TRDN: variants seen among roughly 807,000 people sequenced by gnomAD.
TRDN encodes the protein triadin.
A neutral mutation model predicts 149.7 loss-of-function variants in TRDN; 161 were observed. That is an observed-to-expected ratio of 1.08 (90% CI 0.95 to 1.23). The LOEUF is 1.23. Ranked by LOEUF, TRDN falls within the 50% of genes most tolerant of loss-of-function variation. The pLI is 0.00. For synonymous variants in TRDN, 294 were observed against 250.5 expected (o/e 1.17, Z -1.64); for missense variants, 896 against 823.5 (o/e 1.09, Z -1.08).
intron 35 of TRDN, among the ~76,000 whole-genome samples, chr6:123,258,049 T>C (rs1776625487): frequency 6.6e-6 from 1 of 152,048 alleles, no homozygotes; most frequent in Non-Finnish European, 1.5e-5. Context: ...GACGATGGGG[T>C]TTTCTAAATA....
At chr6:123,573,245 T>C (rs13437011) in intron 1 of TRDN, among the ~76,000 whole-genome samples, 2,649 of 152,150 alleles carry the variant, frequency 0.017, 93 homozygotes, top group African/African-American at 0.06. Flanking sequence ...ATGAATGAGA[T>C]TGGTAAGACT....
intron 1 of TRDN, among the ~76,000 whole-genome samples, chr6:123,591,980 A>T (rs1373405899): frequency 1.3e-5 from 2 of 152,192 alleles, no homozygotes; most frequent in Non-Finnish European, 2.9e-5. Context: ...TTCCTCTTTG[A>T]TATGAAAGGA....
chr6:123,432,879 T>C (rs963815192), intron 12 of TRDN, among the ~76,000 whole-genome samples: 5 of 152,074 alleles, frequency 3.3e-5, no homozygotes, highest in African/African-American at 4.8e-5. Context: ...CCTCTCTTGC[T>C]TTATTTTCCA....
rs1463323606 is a variant in TRDN at position 123,273,381 on chromosome 6, CAT to C, written c.1598-20_1598-19del. 8.5e-6 allele frequency: 8 copies of C among 942,106 alleles called. No homozygotes were observed. The East Asian group carries it at 4.1e-4, about 48-fold the overall frequency. The allele number at this position is 942,106 out of a possible 1,614,324, so 58.4% of individuals were successfully genotyped here. ...AGATATAGCTAAAATAAATAAATAA[CAT>C]ATTAGATTAAATTACCTGCAAAATG... is the stretch of plus-strand genomic sequence containing the variant. On this transcript the variant is annotated intron_variant, in intron 27 of 40. Coordinates refer to ENST00000334268, the MANE Select transcript of TRDN (RefSeq NM_006073.4).
Position 123,547,260 on chromosome 6 carries a change from T to C in TRDN, c.424+80A>G, listed in dbSNP as rs935746671. 4 of 859,210 alleles carry C rather than the reference T, an allele frequency of 4.7e-6. 1 individual carries two copies. In the South Asian group the frequency reaches 8.6e-5, roughly 19 times the overall value. 53.2% of individuals were successfully genotyped at this position (859,210 alleles called of 1,614,324 possible). On this transcript the variant is annotated intron_variant, in intron 4 of 40. Transcript: ENST00000334268. The stretch of plus-strand genomic sequence containing the variant: ...AACAAAACCTTTATATTAAAATAAG[T>C]AAAATATATTTGAACCATGCTGAAA...
intron 24 of TRDN, among the ~76,000 whole-genome samples, chr6:123,285,244 G>A (rs1481539305): frequency 6.6e-6 from 1 of 151,864 alleles, no homozygotes; most frequent in Admixed American, 6.6e-5. Context: ...GCAAGACTAA[G>A]CAAAAAGAAC....
intron 1 of TRDN, among the ~76,000 whole-genome samples, chr6:123,578,606 C>A (rs1459326150): frequency 6.6e-6 from 1 of 151,880 alleles, no homozygotes; most frequent in Non-Finnish European, 1.5e-5. Flanking sequence ...CCATCTTTTT[C>A]CTTTTTGCTT....
At chr6:123,606,650 G>C (rs968559872) in intron 1 of TRDN, among the ~76,000 whole-genome samples, 6 of 151,958 alleles carry the variant, frequency 3.9e-5, no homozygotes, top group Non-Finnish European at 8.8e-5. Context: ...ATATAAATGT[G>C]TCCATGCAGT....
chr6:123,317,414 C>T (rs1447575140), intron 23 of TRDN, among the ~76,000 whole-genome samples: 3 of 151,888 alleles, frequency 2.0e-5, no homozygotes, highest in Non-Finnish European at 4.4e-5. Flanking sequence ...TTTAGTCTAG[C>T]AGTGTCTCAT....
intron 2 of TRDN, among the ~76,000 whole-genome samples, chr6:123,564,904 T>A (rs1004647247): frequency 1.3e-5 from 2 of 152,224 alleles, no homozygotes; most frequent in Non-Finnish European, 2.9e-5. Context: ...CATGTAATGA[T>A]GTTTTCCTCT....
At chr6:123,473,018 A>T (rs908533568) in intron 9 of TRDN, among the ~76,000 whole-genome samples, 7 of 152,196 alleles carry the variant, frequency 4.6e-5, no homozygotes, top group Admixed American at 1.3e-4. Flanking sequence ...AAAACTGGAA[A>T]CTCTAAAAAC....
chr6:123,536,839 G>A (rs1051572169), intron 4 of TRDN, among the ~76,000 whole-genome samples: 10 of 152,002 alleles, frequency 6.6e-5, no homozygotes, highest in Non-Finnish European at 1.3e-4. Flanking sequence ...AGCCATGATG[G>A]TGACACTGCA....
At chr6:123,452,749 A>C (rs1477670256) in intron 10 of TRDN, among the ~76,000 whole-genome samples, 1 of 152,096 alleles carries the variant, frequency 6.6e-6, no homozygotes, top group Non-Finnish European at 1.5e-5. Flanking sequence ...TAGAAAAAAC[A>C]ATTCTAAAAT....
At chr6:123,352,092 C>T (rs1002381718) in intron 21 of TRDN, 1 of 979,312 alleles carries the variant, frequency 1.0e-6, no homozygotes, top group Non-Finnish European at 1.2e-6. Flanking sequence ...TCTATTTTTG[C>T]TGTTATTTTC....
intron 23 of TRDN, among the ~76,000 whole-genome samples, chr6:123,322,847 G>C (rs1779297316): frequency 6.6e-6 from 1 of 151,700 alleles, no homozygotes; most frequent in Admixed American, 6.6e-5. Context: ...CACCATATTA[G>C]CCAGGATGGT....
chr6:123,556,502 T>G (rs891907696), intron 2 of TRDN, among the ~76,000 whole-genome samples: 2 of 152,176 alleles, frequency 1.3e-5, no homozygotes, highest in African/African-American at 4.8e-5. Flanking sequence ...CTTGGAGGAT[T>G]GATTTTACAA....
intron 29 of TRDN, among the ~76,000 whole-genome samples, chr6:123,272,690 C>G (rs896753411): frequency 1.3e-5 from 2 of 151,806 alleles, no homozygotes; most frequent in African/African-American, 4.8e-5. Flanking sequence ...AAGTATAGAG[C>G]CCATTCATCT....
At chr6:123,509,426 T>A (rs1348656512) in intron 7 of TRDN, 2 of 152,092 alleles carry the variant, frequency 1.3e-5, no homozygotes, top group Non-Finnish European at 2.9e-5. Context: ...ATTTCTGTCT[T>A]CCTGTTTCTC....
At chr6:123,390,967 A>C (rs1485191637) in intron 13 of TRDN, among the ~76,000 whole-genome samples, 1 of 152,084 alleles carries the variant, frequency 6.6e-6, no homozygotes, top group East Asian at 1.9e-4. Flanking sequence ...CAGAGTGCAC[A>C]TACCCCATCT....
Sources: gnomAD v4.1 joint callset for allele counts (sites outside exome capture counted in the v4.1 genomes callset) on GRCh38, gnomAD v4.1.1 for gene constraint, MANE v1.5 for transcripts, NCBI Gene and HGNC (gene_info 2026-07-23, HGNC 2026-07-21) for gene names.